Variants in MROH9 observed in about 807,000 individuals in gnomAD.
MROH9 encodes maestro heat like repeat family member 9.
In MROH9, 92 loss-of-function variants were observed where a neutral mutation model predicts 98.2. That is an observed-to-expected ratio of 0.94 (90% CI 0.79 to 1.11). MROH9 has a LOEUF of 1.11. MROH9 is among the 50% of genes most tolerant of loss of function. The pLI is 0.00. For synonymous variants in MROH9, 397 were observed against 368.9 expected, an observed-to-expected ratio of 1.08 and a Z score of -0.87; for missense variants, 1,057 against 1,014.8, an observed-to-expected ratio of 1.04 and a Z score of -0.57.
intron 20 of MROH9, among the ~76,000 whole-genome samples, chr1:171,053,286 G>C (rs1424584639): frequency 6.6e-6 from 1 of 152,178 alleles, no homozygotes; most frequent in Admixed American, 6.5e-5. Context: ...GACTTTGGGT[G>C]AGCCCAGTTT....
chr1:171,017,153 G>C (rs983704875), intron 17 of MROH9, among the ~76,000 whole-genome samples: 36 of 152,236 alleles, frequency 2.4e-4, no homozygotes, highest in African/African-American at 8.2e-4. Context: ...CGGGGGCCAA[G>C]ATGGTCAACT....
intron 1 of MROH9, among the ~76,000 whole-genome samples, chr1:170,942,724 G>A (rs1649172990): frequency 6.6e-6 from 1 of 152,154 alleles, no homozygotes. Context: ...GGGTGATAAG[G>A]ATGTGAGGAA....
rs181888844 is a variant in MROH9, at chr1:171,043,809, G to A, written c.2282-18323G>A. Among the ~76,000 whole-genome samples the A allele has an allele frequency of 7.8e-4, 118 of 151,882 alleles. 1 individual carries two copies. The highest frequency in any genetic ancestry group is 1.5e-3 in the African/African-American group (63 of 41,450). On this transcript the variant is annotated intron_variant, in intron 20 of 21. Transcript: ENST00000367759. ...GCATATAGAAATGCTACTGATTTTCGTATGTTGATTTTTGTATTTTACAAC... is the reference window on the plus strand; with the variant it reads ...GCATATAGAAATGCTACTGATTTTCATATGTTGATTTTTGTATTTTACAAC...
chr1:170,958,511 T>C lies in MROH9; in HGVS notation c.123T>C (p.Asn41=), dbSNP rs779119671. 1.6e-5 allele frequency: 25 copies of C among 1,595,544 alleles called. No homozygotes were observed. In the East Asian group the frequency reaches 3.8e-4, roughly 24 times the overall value. ...LLDAYSGLLS[N]ESMILAVNSS... is the part of the protein sequence containing the mutation. ...ATGCATACTCAGGCCTGTTAAGTAATGAATCCATGATCCTGGCTGTGAACT... is the reference window on the plus strand; with the variant it reads ...ATGCATACTCAGGCCTGTTAAGTAACGAATCCATGATCCTGGCTGTGAACT... The change falls in exon 4 of 22, where the codon AAT becomes AAC. Residue 41 remains asparagine (N), a synonymous_variant. Coordinates refer to ENST00000367759, the MANE Select transcript of MROH9 (RefSeq NM_001163629.2).
At chr1:171,034,134 T>G (rs899466781) in intron 20 of MROH9, among the ~76,000 whole-genome samples, 30 of 152,094 alleles carry the variant, frequency 2.0e-4, no homozygotes, top group African/African-American at 7.2e-4. Flanking sequence ...AAAAAACTTT[T>G]ATAGTATTCA....
rs973289097 is a variant in MROH9, at chr1:171,064,349, G to A, written c.*9G>A. 147 of 1,517,782 alleles carry A rather than the reference G, an allele frequency of 9.7e-5. No homozygotes were observed. The highest frequency in any genetic ancestry group is 1.2e-4 in the Non-Finnish European group (139 of 1,136,546). The allele number at this position is 1,517,782 out of a possible 1,614,324, so 94.0% of individuals were successfully genotyped here. The stretch of plus-strand genomic sequence containing the variant: ...ATGATAAGGCCTTATAGAAGAGAAT[G>A]ATGATGACATTCATCATTCATAAAC... On this transcript the variant is annotated 3_prime_UTR_variant, in exon 22 of 22. Coordinates refer to ENST00000367759, the MANE Select transcript of MROH9 (RefSeq NM_001163629.2).
rs182142606 is a variant in MROH9 at position 170,986,410 on chromosome 1, T to C, written c.730-151T>C. On this transcript the variant is annotated intron_variant, in intron 9 of 21. Coordinates refer to ENST00000367759, the MANE Select transcript of MROH9 (RefSeq NM_001163629.2). Reference sequence around the variant, plus strand: ...AAAGTATAATTTTTAATATTTTTCATGGAAGAGAGAGACTCCAACAAGATG... The same window carrying C: ...AAAGTATAATTTTTAATATTTTTCACGGAAGAGAGAGACTCCAACAAGATG... 499 of 572,104 alleles carry C rather than the reference T, an allele frequency of 8.7e-4. 1 individual carries two copies. The highest frequency in any genetic ancestry group is 3.2e-3 in the Middle Eastern group (7 of 2,216). The allele number at this position is 572,104 out of a possible 1,614,324, so 35.4% of individuals were successfully genotyped here. A position where few individuals can be genotyped will look rare whatever the true frequency, so the allele number is the denominator to read the frequency against.
At chr1:170,995,873 TTTAC>T (rs1373787577) in intron 13 of MROH9, among the ~76,000 whole-genome samples, 2 of 152,172 alleles carry the variant, frequency 1.3e-5, no homozygotes, top group Non-Finnish European at 2.9e-5. Context: ...TGCTCTGCCA[TTTAC>T]TTACTTTCTG....
chr1:171,025,862 C>G (rs1652692678), intron 20 of MROH9, among the ~76,000 whole-genome samples: 1 of 150,372 alleles, frequency 6.7e-6, no homozygotes, highest in Non-Finnish European at 1.5e-5. Context: ...CAGGGGCAAC[C>G]CAGGAAGACT....
At chr1:170,992,038 C>A in intron 11 of MROH9, 126 bp from the exon 12 acceptor site, 2 of 871,704 alleles carry the variant, frequency 2.3e-6, no homozygotes, top group Non-Finnish European at 1.6e-6. Flanking sequence ...TTGCTTTGGA[C>A]ATGTCTGCAG....
chr1:170,985,382 A>T (rs1651092894), intron 9 of MROH9, among the ~76,000 whole-genome samples: 1 of 152,198 alleles, frequency 6.6e-6, no homozygotes, highest in African/African-American at 2.4e-5. Context: ...AGCAGTAAGA[A>T]GCAGGAGGAG....
Position 171,053,519 on chromosome 1 carries a change from A to G in MROH9, c.2282-8613A>G, listed in dbSNP as rs753457420. 3.9e-5 allele frequency among the ~76,000 whole-genome samples: 6 copies of G among 152,222 alleles called. 1 individual carries two copies. Among genetic ancestry groups the G allele is most frequent in the Non-Finnish European group, 5.9e-5 (4 of 68,036 alleles). On this transcript the variant is annotated intron_variant, in intron 20 of 21. Transcript: ENST00000367759. ...CCCTCTGAGAAAAGATAAATTACCC[A>G]GAGACTCAAATTTTCTACACACAAT...
At chr1:170,944,335 A>T (rs1649236608) in intron 1 of MROH9, among the ~76,000 whole-genome samples, 1 of 152,012 alleles carries the variant, frequency 6.6e-6, no homozygotes, top group Non-Finnish European at 1.5e-5. Context: ...CACATCACAC[A>T]CATACAAAGT....
chr1:170,956,923 C>G (rs763634476), intron 3 of MROH9, among the ~76,000 whole-genome samples: 2 of 151,106 alleles, frequency 1.3e-5, no homozygotes, highest in African/African-American at 2.4e-5. Flanking sequence ...GCATCCTTGT[C>G]TTGTTCCAGT....
intron 12 of MROH9, among the ~76,000 whole-genome samples, chr1:170,994,707 G>A (rs1651491558): frequency 6.6e-6 from 1 of 151,864 alleles, no homozygotes; most frequent in Non-Finnish European, 1.5e-5. Flanking sequence ...TCTAACTATT[G>A]TTTTATGCCC....
At chr1:171,018,623 C>T (rs139888750) in intron 17 of MROH9, among the ~76,000 whole-genome samples, 22 of 152,222 alleles carry the variant, frequency 1.4e-4, no homozygotes, top group African/African-American at 3.9e-4. Context: ...TAAAGGAGCA[C>T]GTTCTAACCC....
chr1:171,023,382 T>C (rs1234945170), intron 17 of MROH9, among the ~76,000 whole-genome samples: 1 of 152,196 alleles, frequency 6.6e-6, no homozygotes, highest in Non-Finnish European at 1.5e-5. Flanking sequence ...TGTTATTTAG[T>C]GGCAACTCAG....
chr1:171,057,178 G>A (rs999722497), intron 20 of MROH9, among the ~76,000 whole-genome samples: 7 of 152,170 alleles, frequency 4.6e-5, no homozygotes, highest in African/African-American at 1.4e-4. Flanking sequence ...CTGATTAAAG[G>A]ATTATGTTCT....
chr1:170,950,633 C>T (rs992211523), intron 3 of MROH9, among the ~76,000 whole-genome samples: 6 of 152,180 alleles, frequency 3.9e-5, no homozygotes, highest in East Asian at 3.9e-4. Flanking sequence ...GACTTGGAAA[C>T]GTTCACTGTT....
Sources: allele counts gnomAD v4.1 joint callset (sites outside exome capture counted in the v4.1 genomes callset), GRCh38; gene constraint gnomAD v4.1.1; transcripts MANE v1.5; gene names NCBI Gene and HGNC (gene_info 2026-07-23, HGNC 2026-07-21).